The following STT3B variants were observed in gnomAD, a reference collection of about 807,000 sequenced individuals.
STT3B encodes the protein STT3 oligosaccharyltransferase complex catalytic subunit B, also known as dolichyl-diphosphooligosaccharide--protein glycosyltransferase subunit STT3B.
In STT3B, 29 loss-of-function variants were observed where a neutral mutation model predicts 96.8. The ratio of observed to expected loss-of-function variants is 0.30; its 90% CI spans 0.22 to 0.41. The LOEUF (loss-of-function observed/expected upper bound fraction) is 0.41. STT3B is among the 10% of genes least tolerant of loss of function. The pLI, the probability that STT3B is intolerant of heterozygous loss-of-function variation, is 1.00. For missense variants in STT3B, 640 were observed against 1,022.3 expected (o/e 0.63, Z 5.10); for synonymous variants, 367 against 360.0 (o/e 1.02, Z -0.22).
At chr3:31,540,241 A>G (rs1164241202) in intron 1 of STT3B, among the ~76,000 whole-genome samples, 1 of 152,134 alleles carries the variant, frequency 6.6e-6, no homozygotes, top group African/African-American at 2.4e-5. Flanking sequence ...CTCATTTGGA[A>G]TTATTTAAAA....
chr3:31,569,318 A>G (rs547148759), intron 1 of STT3B, among the ~76,000 whole-genome samples: 3 of 152,322 alleles, frequency 2.0e-5, no homozygotes, highest in African/African-American at 7.2e-5. Flanking sequence ...TGAATACCGT[A>G]TTGTACTAAC....
At chr3:31,550,319 G>T (rs1186088849) in intron 1 of STT3B, among the ~76,000 whole-genome samples, 2 of 152,200 alleles carry the variant, frequency 1.3e-5, no homozygotes, top group African/African-American at 4.8e-5. Context: ...AGACATTTTT[G>T]CAGCCTTTAA....
chr3:31,573,701 A>G (rs78589570), intron 1 of STT3B, among the ~76,000 whole-genome samples: 6,649 of 152,228 alleles, frequency 0.044, 378 homozygotes, highest in East Asian at 0.32. Flanking sequence ...TTCAAGAAAA[A>G]CATTCCACAT....
intron 1 of STT3B, among the ~76,000 whole-genome samples, chr3:31,548,498 T>C (rs1487554720): frequency 6.6e-6 from 1 of 152,182 alleles, no homozygotes; most frequent in Non-Finnish European, 1.5e-5. Context: ...AAATAGAGTA[T>C]ACCAAACATG....
intron 3 of STT3B, among the ~76,000 whole-genome samples, chr3:31,593,752 C>T (rs117602423): frequency 0.044 from 6,624 of 152,024 alleles, 369 homozygotes; most frequent in East Asian, 0.32. Context: ...GAATATGTAT[C>T]TCTGTTTCTT....
In STT3B at chr3:31,533,016, C is replaced by T. The variant is rs750575995; in HGVS notation, c.18C>T (p.Ala6=). 2 of 1,589,392 alleles carry T rather than the reference C, an allele frequency of 1.3e-6. No homozygotes were observed. Among genetic ancestry groups the T allele is most frequent in the Non-Finnish European group, 1.7e-6 (2 of 1,169,340 alleles). The change falls in exon 1 of 16, where the codon GCC becomes GCT. Residue 6 remains alanine (A), a synonymous_variant. Transcript: ENST00000295770. ...GGCACAACATGGCGGAGCCCTCGGC[C>T]CCGGAGAGCAAGCACAAGTCGTCCC... The part of the protein sequence containing the change: MAEPS[A]PESKHKSSLN...
chr3:31,552,204 C>A (rs1002717854), intron 1 of STT3B, among the ~76,000 whole-genome samples: 1 of 152,224 alleles, frequency 6.6e-6, no homozygotes, highest in African/African-American at 2.4e-5. Flanking sequence ...GAAACTAATA[C>A]AAATACCCTT....
At chr3:31,619,544 T>G in intron 8 of STT3B, 132 bp from the exon 9 acceptor site, 1 of 717,898 alleles carries the variant, frequency 1.4e-6, no homozygotes, top group South Asian at 2.0e-5. Context: ...ACTGGTTACC[T>G]TGGAAGGTAT....
chr3:31,612,237 C>G (rs1265630534), intron 5 of STT3B, among the ~76,000 whole-genome samples: 2 of 152,158 alleles, frequency 1.3e-5, no homozygotes, highest in Admixed American at 1.3e-4. Context: ...TGTGTCTATC[C>G]GTGCACTGAA....
At chr3:31,602,073 G>C (rs559968953) in intron 5 of STT3B, among the ~76,000 whole-genome samples, 1 of 152,160 alleles carries the variant, frequency 6.6e-6, no homozygotes, top group African/African-American at 2.4e-5. Flanking sequence ...GCAGTGTGCT[G>C]TGATCTTGCC....
At chr3:31,564,334 A>ACCGT (rs966237193) in intron 1 of STT3B, among the ~76,000 whole-genome samples, 40 of 152,266 alleles carry the variant, frequency 2.6e-4, no homozygotes, top group African/African-American at 9.6e-4. Flanking sequence ...TATACCAGGC[A>ACCGT]CCGTCCTTGG....
chr3:31,614,469 A>G (rs780405175), intron 5 of STT3B, among the ~76,000 whole-genome samples: 10 of 152,046 alleles, frequency 6.6e-5, no homozygotes, highest in Non-Finnish European at 1.2e-4. Flanking sequence ...TGAGAATACT[A>G]TAACATACTT....
chr3:31,636,071 T>A lies in STT3B; in HGVS notation c.*7T>A. 1.3e-6 allele frequency: 2 copies of A among 1,595,226 alleles called. No individual in the cohort carries two copies. On this transcript the variant is annotated 3_prime_UTR_variant, in exon 16 of 16. Coordinates refer to ENST00000295770, the MANE Select transcript of STT3B (RefSeq NM_178862.3). ...ATCTAAGAAGACTGTTTAAATGCAC[T>A]GTTCTGGTTCCTAACTTGAAGCAGT...
chr3:31,607,618 C>T (rs1365813241), intron 5 of STT3B, among the ~76,000 whole-genome samples: 3 of 152,118 alleles, frequency 2.0e-5, no homozygotes, highest in African/African-American at 7.2e-5. Flanking sequence ...TCAGGTATGT[C>T]TTTATCAGCA....
At chr3:31,609,778 G>A (rs1298539811) in intron 5 of STT3B, among the ~76,000 whole-genome samples, 13 of 151,822 alleles carry the variant, frequency 8.6e-5, no homozygotes, top group African/African-American at 2.9e-4. Flanking sequence ...TATTTTTAGT[G>A]GAGATGGGGT....
chr3:31,572,898 G>C (rs1698191692), intron 1 of STT3B, among the ~76,000 whole-genome samples: 1 of 152,192 alleles, frequency 6.6e-6, no homozygotes, highest in South Asian at 2.1e-4. Context: ...GCTGTGCTTG[G>C]TGTTGGAGAC....
At chr3:31,556,553 C>T (rs1339381955) in intron 1 of STT3B, among the ~76,000 whole-genome samples, 1 of 152,166 alleles carries the variant, frequency 6.6e-6, no homozygotes, top group African/African-American at 2.4e-5. Flanking sequence ...GCACCCTTGT[C>T]AGCATTTGTT....
At chr3:31,564,420 T>A (rs935926232) in intron 1 of STT3B, among the ~76,000 whole-genome samples, 1 of 152,262 alleles carries the variant, frequency 6.6e-6, no homozygotes, top group Admixed American at 6.5e-5. Context: ...CTGGCTTTGC[T>A]GCTTTGACTT....
At chr3:31,627,932 G>C (rs961446790) in intron 13 of STT3B, among the ~76,000 whole-genome samples, 1 of 151,208 alleles carries the variant, frequency 6.6e-6, no homozygotes, top group Non-Finnish European at 1.5e-5. Flanking sequence ...AGTATAAGAG[G>C]ATATACAATA....
Sources: gnomAD v4.1 joint callset for allele counts (sites outside exome capture counted in the v4.1 genomes callset) on GRCh38, gnomAD v4.1.1 for gene constraint, MANE v1.5 for transcripts, NCBI Gene and HGNC (gene_info 2026-07-23, HGNC 2026-07-21) for gene names.